PTPRD: variants seen among roughly 807,000 people sequenced by gnomAD.
PTPRD encodes receptor-type tyrosine-protein phosphatase delta.
In PTPRD, 34 loss-of-function variants were observed where a neutral mutation model predicts 214.5. That is an observed-to-expected ratio of 0.16 (90% CI 0.12 to 0.21). The LOEUF is 0.21. PTPRD is among the 10% of genes least tolerant of loss of function. PTPRD has a pLI of 1.00. For synonymous variants in PTPRD, 1,128 were observed against 845.7 expected (o/e 1.33, Z -5.79); for missense variants, 2,545 against 2,398.7 (o/e 1.06, Z -1.27).
chr9:9,107,896 G>C (rs1189237932), intron 10 of PTPRD, among the ~76,000 whole-genome samples: 1 of 152,016 alleles, frequency 6.6e-6, no homozygotes, highest in African/African-American at 2.4e-5. Context: ...CCTGTGTTGT[G>C]TATATTTCAT....
intron 12 of PTPRD, among the ~76,000 whole-genome samples, chr9:8,680,325 G>A (rs1173137062): frequency 2.0e-5 from 3 of 152,080 alleles, no homozygotes; most frequent in Non-Finnish European, 4.4e-5. Context: ...ATACACCTTA[G>A]GAAACATAAT....
At chr9:8,473,269 T>G (rs1216651307) in intron 30 of PTPRD, among the ~76,000 whole-genome samples, 1 of 152,114 alleles carries the variant, frequency 6.6e-6, no homozygotes, top group East Asian at 1.9e-4. Flanking sequence ...CAAACAATCA[T>G]AATGATCAAG....
intron 11 of PTPRD, among the ~76,000 whole-genome samples, chr9:9,006,708 A>T (rs1002742178): frequency 3.3e-5 from 5 of 152,056 alleles, no homozygotes; most frequent in African/African-American, 4.8e-5. Flanking sequence ...CTGATATTTT[A>T]AAAAAGTTTC....
intron 3 of PTPRD, among the ~76,000 whole-genome samples, chr9:10,340,161 C>T (rs934191314): frequency 6.6e-6 from 1 of 151,854 alleles, no homozygotes; most frequent in Non-Finnish European, 1.5e-5. Context: ...GCTCATTCCA[C>T]ATTATCTGGA....
intron 2 of PTPRD, among the ~76,000 whole-genome samples, chr9:10,593,287 C>T (rs1350738796): frequency 6.6e-6 from 1 of 151,852 alleles, no homozygotes; most frequent in Non-Finnish European, 1.5e-5. Flanking sequence ...AACAAGCTCC[C>T]AGGAGATACC....
intron 11 of PTPRD, among the ~76,000 whole-genome samples, chr9:8,882,889 A>AAAAAAAAAAAAAC (rs2098458251): frequency 6.6e-6 from 1 of 151,678 alleles, no homozygotes. Flanking sequence ...TGTCTCAAAA[A>AAAAAAAAAAAAAC]AAAAAAAGGT....
chr9:9,581,079 C>G (rs1410445319), intron 7 of PTPRD, among the ~76,000 whole-genome samples: 1 of 152,048 alleles, frequency 6.6e-6, no homozygotes, highest in African/African-American at 2.4e-5. Context: ...AAAATTGTAT[C>G]TTCATAAAGC....
chr9:9,296,130 A>C (rs1198406544), intron 9 of PTPRD, among the ~76,000 whole-genome samples: 1 of 151,782 alleles, frequency 6.6e-6, no homozygotes, highest in Non-Finnish European at 1.5e-5. Context: ...TGGGGTTTAG[A>C]GTTATGAAAC....
At chr9:8,896,477 A>C (rs983699399) in intron 11 of PTPRD, among the ~76,000 whole-genome samples, 4 of 152,214 alleles carry the variant, frequency 2.6e-5, no homozygotes, top group Non-Finnish European at 5.9e-5. Context: ...AAAAGTCAAC[A>C]CTGGCTCAAT....
intron 11 of PTPRD, among the ~76,000 whole-genome samples, chr9:8,994,573 G>A (rs2099389413): frequency 6.6e-6 from 1 of 152,018 alleles, no homozygotes; most frequent in Non-Finnish European, 1.5e-5. Flanking sequence ...GAGAAGAAAA[G>A]GGCAGTGGGA....
chr9:10,483,384 T>C (rs1769212684), intron 2 of PTPRD, among the ~76,000 whole-genome samples: 1 of 152,030 alleles, frequency 6.6e-6, no homozygotes, highest in African/African-American at 2.4e-5. Flanking sequence ...AAATAATTTA[T>C]GATGAAGACC....
At chr9:10,410,701 T>C (rs937935937) in intron 2 of PTPRD, among the ~76,000 whole-genome samples, 4 of 151,750 alleles carry the variant, frequency 2.6e-5, no homozygotes, top group African/African-American at 9.7e-5. Context: ...CAGACAAAGA[T>C]TTATCTTTAA....
At chr9:10,163,002 CCTAT>C (rs1431182531) in intron 3 of PTPRD, among the ~76,000 whole-genome samples, 2 of 150,538 alleles carry the variant, frequency 1.3e-5, no homozygotes, top group Admixed American at 6.6e-5. Context: ...CTATCTACTA[CCTAT>C]CTAAATGTCT....
chr9:8,806,690 A>C (rs1039414564), intron 11 of PTPRD, among the ~76,000 whole-genome samples: 2 of 152,220 alleles, frequency 1.3e-5, no homozygotes, highest in Non-Finnish European at 2.9e-5. Flanking sequence ...TGATCACTCT[A>C]CTGTAACTAC....
At chr9:9,131,039 C>T (rs559847093) in intron 10 of PTPRD, among the ~76,000 whole-genome samples, 9 of 151,654 alleles carry the variant, frequency 5.9e-5, no homozygotes, top group South Asian at 4.2e-4. Flanking sequence ...AAAACAAATC[C>T]GGTGCTTTTG....
At chr9:9,127,066 C>T (rs1363097110) in intron 10 of PTPRD, among the ~76,000 whole-genome samples, 1 of 151,506 alleles carries the variant, frequency 6.6e-6, no homozygotes, top group Non-Finnish European at 1.5e-5. Flanking sequence ...AAACCCAGAA[C>T]AGGTTGCCAT....
Position 10,415,160 on chromosome 9 carries a change from T to C in PTPRD, c.-599-74143A>G, listed in dbSNP as rs1007233876. On this transcript the variant is annotated intron_variant, in intron 2 of 45. Coordinates refer to ENST00000381196, the MANE Select transcript of PTPRD (RefSeq NM_002839.4). ...ACACCAAATAATTTGTGACTTAGCTTCTTCTTTTATAAACTAATGATTAAA... is the reference window on the plus strand; with the variant it reads ...ACACCAAATAATTTGTGACTTAGCTCCTTCTTTTATAAACTAATGATTAAA... Among the ~76,000 whole-genome samples the C allele has an allele frequency of 1.4e-4, 21 of 151,962 alleles. No homozygotes were observed. The Middle Eastern group carries it at 0.014, about 98-fold the overall frequency.
intron 34 of PTPRD, among the ~76,000 whole-genome samples, chr9:8,439,717 A>T (rs1472949218): frequency 6.6e-6 from 1 of 152,184 alleles, no homozygotes; most frequent in East Asian, 1.9e-4. Flanking sequence ...AATTCTGCAG[A>T]AACATCTCCG....
chr9:8,508,254 A>C (rs1405353092), intron 21 of PTPRD, among the ~76,000 whole-genome samples: 3 of 152,218 alleles, frequency 2.0e-5, no homozygotes, highest in African/African-American at 7.2e-5. Flanking sequence ...TATCAGCTGT[A>C]ACAAAGAATG....
Sources: allele counts gnomAD v4.1 joint callset (sites outside exome capture counted in the v4.1 genomes callset), GRCh38; gene constraint gnomAD v4.1.1; transcripts MANE v1.5; gene names NCBI Gene and HGNC (gene_info 2026-07-23, HGNC 2026-07-21).